DIP2B: variants seen among roughly 807,000 people sequenced by gnomAD.
DIP2B encodes the protein disco-interacting protein 2 homolog B.
In DIP2B, 76 loss-of-function variants were observed where a neutral mutation model predicts 198.0. That is an observed-to-expected ratio of 0.38 (90% CI 0.32 to 0.46). The LOEUF is 0.46. Ranked by LOEUF, DIP2B falls within the 20% of genes least tolerant of loss-of-function variation. The probability of loss-of-function intolerance (pLI) is 0.99; values close to 1 mark genes in which losing one functional copy is unlikely to be tolerated. For synonymous variants in DIP2B, 701 were observed against 739.1 expected, an observed-to-expected ratio of 0.95 and a Z score of 0.84; for missense variants, 1,559 against 1,978.4, an observed-to-expected ratio of 0.79 and a Z score of 4.02.
chr12:50,558,148 G>A (rs554333584), intron 1 of DIP2B, among the ~76,000 whole-genome samples: 1 of 152,286 alleles, frequency 6.6e-6, no homozygotes, highest in Admixed American at 6.5e-5. Context: ...TGGGAGGATC[G>A]CTTGAACCCA....
intron 3 of DIP2B, among the ~76,000 whole-genome samples, chr12:50,645,057 G>A (rs542597296): frequency 4.6e-5 from 7 of 152,146 alleles, no homozygotes; most frequent in Admixed American, 3.3e-4. Context: ...TTTTATACAA[G>A]ATGACACCAT....
At chr12:50,678,074 C>A (rs1019523995) in intron 7 of DIP2B, among the ~76,000 whole-genome samples, 4 of 146,526 alleles carry the variant, frequency 2.7e-5, no homozygotes, top group African/African-American at 1.0e-4. Flanking sequence ...CACCAGGAGG[C>A]AAAGGGATTG....
At chr12:50,519,300 T>C (rs903229522) in intron 1 of DIP2B, among the ~76,000 whole-genome samples, 20 of 151,986 alleles carry the variant, frequency 1.3e-4, no homozygotes, top group African/African-American at 3.9e-4. Flanking sequence ...GGGGTCTCAC[T>C]GTATTGCCCA....
intron 1 of DIP2B, among the ~76,000 whole-genome samples, chr12:50,599,353 C>T (rs957729787): frequency 5.3e-5 from 8 of 151,090 alleles, no homozygotes; most frequent in Non-Finnish European, 1.2e-4. Context: ...CGGTGGCTCA[C>T]GCCTGTAATC....
chr12:50,667,981 A>G (rs551674848), intron 4 of DIP2B, among the ~76,000 whole-genome samples: 76 of 152,286 alleles, frequency 5.0e-4, no homozygotes, highest in South Asian at 8.3e-4. Context: ...TGGTGGCCCA[A>G]TGCTACCTAC....
chr12:50,505,986 C>G (rs1957965358), intron 1 of DIP2B, among the ~76,000 whole-genome samples: 2 of 150,858 alleles, frequency 1.3e-5, no homozygotes, highest in Non-Finnish European at 2.9e-5. Context: ...GGCATTCTTT[C>G]TTTTGACAAT....
intron 1 of DIP2B, among the ~76,000 whole-genome samples, chr12:50,516,241 C>CTCTCTCTCTCTA (rs1555180929): frequency 7.5e-4 from 106 of 141,080 alleles, no homozygotes; most frequent in African/African-American, 9.6e-4. Flanking sequence ...CTCTCTCTCT[C>CTCTCTCTCTCTA]TCTCTATCTC....
chr12:50,517,136 G>T (rs1197310854), intron 1 of DIP2B, among the ~76,000 whole-genome samples: 2 of 151,952 alleles, frequency 1.3e-5, no homozygotes, highest in African/African-American at 4.8e-5. Flanking sequence ...AGCCAGGATG[G>T]TCTCGATCTT....
chr12:50,543,513 TC>T (rs1958345728), intron 1 of DIP2B, among the ~76,000 whole-genome samples: 1 of 151,766 alleles, frequency 6.6e-6, no homozygotes, highest in African/African-American at 2.4e-5. Context: ...GTTCTCGAAC[TC>T]CTGACCTCAG....
chr12:50,535,711 A>G (rs998674885), intron 1 of DIP2B, among the ~76,000 whole-genome samples: 2 of 151,150 alleles, frequency 1.3e-5, no homozygotes, highest in African/African-American at 4.9e-5. Context: ...TTTTATTATT[A>G]TTATACTTTA....
At chr12:50,658,533 C>T (rs967565525) in intron 3 of DIP2B, among the ~76,000 whole-genome samples, 22 of 152,138 alleles carry the variant, frequency 1.4e-4, no homozygotes, top group African/African-American at 5.3e-4. Flanking sequence ...GAAATAAGTA[C>T]ATATACTTTG....
intron 2 of DIP2B, among the ~76,000 whole-genome samples, chr12:50,627,247 A>C (rs758870767): frequency 1.3e-4 from 20 of 152,224 alleles, no homozygotes; most frequent in Non-Finnish European, 2.1e-4. Flanking sequence ...CAAGAGGTAT[A>C]ACTGTAAAAA....
intron 1 of DIP2B, among the ~76,000 whole-genome samples, chr12:50,569,751 GTTA>G (rs769609125): frequency 7.2e-5 from 11 of 152,096 alleles, no homozygotes; most frequent in Non-Finnish European, 1.5e-4. Context: ...TATCTTAAGA[GTTA>G]TTATATAAAT....
chr12:50,512,048 A>G (rs1170819656), intron 1 of DIP2B, among the ~76,000 whole-genome samples: 1 of 150,606 alleles, frequency 6.6e-6, no homozygotes, highest in Non-Finnish European at 1.5e-5. Context: ...GCTCCCCCAA[A>G]GTGCTGAGAT....
chr12:50,510,668 G>T (rs537512720), intron 1 of DIP2B, among the ~76,000 whole-genome samples: 10 of 145,550 alleles, frequency 6.9e-5, no homozygotes, highest in Admixed American at 2.7e-4. Flanking sequence ...TTTTTGAGAC[G>T]GAGTTTCACT....
At chr12:50,514,833 T>A (rs1958049712) in intron 1 of DIP2B, among the ~76,000 whole-genome samples, 1 of 151,940 alleles carries the variant, frequency 6.6e-6, no homozygotes, top group Non-Finnish European at 1.5e-5. Context: ...AATTTTTAAG[T>A]TTTTTGTAGC....
intron 17 of DIP2B, 100 bp downstream of exon 17, chr12:50,697,275 T>C (rs941564153): frequency 2.1e-5 from 22 of 1,072,836 alleles, no homozygotes; most frequent in Non-Finnish European, 2.8e-5. Context: ...ACTAATTTTC[T>C]AAGCAGTTTC....
chr12:50,735,000 GC>G, intron 33 of DIP2B, 72 bp from the exon 34 acceptor site: 1 of 1,563,910 alleles, frequency 6.4e-7, no homozygotes, highest in Non-Finnish European at 8.8e-7. Context: ...TGGGAAGGCA[GC>G]ACCGAGCTGC....
chr12:50,661,653 G>A (rs1258596541), intron 4 of DIP2B, among the ~76,000 whole-genome samples: 1 of 152,154 alleles, frequency 6.6e-6, no homozygotes, highest in Non-Finnish European at 1.5e-5. Context: ...ATCTTGGATG[G>A]TTTCCCTTCC....
Sources: allele counts gnomAD v4.1 joint callset (sites outside exome capture counted in the v4.1 genomes callset), GRCh38; gene constraint gnomAD v4.1.1; transcripts MANE v1.5; gene names NCBI Gene and HGNC (gene_info 2026-07-23, HGNC 2026-07-21).